The following TRAP1 variants were observed in gnomAD, a reference collection of about 807,000 sequenced individuals.
TRAP1 encodes TNF receptor associated protein 1, also known as heat shock protein 75 kDa, mitochondrial.
Under a neutral mutation model 89.1 loss-of-function variants are expected in TRAP1, and 102 were observed. The observed-to-expected ratio is 1.15, with a 90% CI of 0.98 to 1.35. The LOEUF (loss-of-function observed/expected upper bound fraction) is 1.35, where lower values mean the gene tolerates loss of function less well. TRAP1 is among the 40% of genes most tolerant of loss of function. The pLI is 0.00. For missense variants in TRAP1, 1,256 were observed against 945.3 expected, an observed-to-expected ratio of 1.33 and a Z score of -4.31; for synonymous variants, 508 against 388.0, an observed-to-expected ratio of 1.31 and a Z score of -3.64.
Position 3,662,003 on chromosome 16 carries a change from G to C in TRAP1, c.1924C>G (p.Leu642Val), listed in dbSNP as rs929207704. 6 of 1,609,132 alleles carry C rather than the reference G, an allele frequency of 3.7e-6. No homozygotes were observed. In the Admixed American group the frequency reaches 6.7e-5, roughly 18 times the overall value. ...EERAQLLQPTLEINPRHALIK... is the reference protein window; with the variant it reads ...EERAQLLQPTVEINPRHALIK... ...TGGCCTCACCTGGGGTTGATCTCCA[G>C]CGTGGGCTGCAGGAGCTGTGCGCGC... The change falls in exon 16 of 18, where the codon CTG becomes GTG. Residue 642 changes from leucine (L) to valine (V), a missense_variant. Coordinates refer to ENST00000246957, the MANE Select transcript of TRAP1 (RefSeq NM_016292.3).
rs1013142388 is a variant in TRAP1, at chr16:3,689,229, T to C, written c.248-92A>G. The C allele has an allele frequency of 1.9e-5, 22 of 1,149,690 alleles. No homozygotes were observed. The African/African-American group carries it at 3.3e-4, about 17-fold the overall frequency. 71.2% of individuals were successfully genotyped at this position (1,149,690 alleles called of 1,614,324 possible). A position where few individuals can be genotyped will look rare whatever the true frequency, so the allele number is the denominator to read the frequency against. On this transcript the variant is annotated intron_variant, in intron 2 of 17. Coordinates refer to ENST00000246957, the MANE Select transcript of TRAP1 (RefSeq NM_016292.3). ...TCACATTCCAAAGAAAGCTTAAGTT[T>C]ATGAGTTTTAAACTTTTTTTTTTTT... is the stretch of plus-strand genomic sequence containing the variant.
chr16:3,693,916 C>A (rs111812785), intron 1 of TRAP1, among the ~76,000 whole-genome samples: 1 of 151,634 alleles, frequency 6.6e-6, no homozygotes, highest in African/African-American at 2.4e-5. Flanking sequence ...TCACTTGAGC[C>A]CAGGATGTTG....
Position 3,677,567 on chromosome 16 carries a change from G to C in TRAP1, c.635C>G (p.Ala212Gly), listed in dbSNP as rs1341211150. 6.2e-7 allele frequency: 1 copy of C among 1,614,062 alleles called. No homozygotes were observed. Among genetic ancestry groups the C allele is most frequent in the Non-Finnish European group, 8.5e-7 (1 of 1,180,040 alleles). The change falls in exon 6 of 18, where the codon GCT (alanine) becomes GGT (glycine). Residue 212 changes from alanine to glycine, a missense_variant. Ala to Gly is a moderately conservative substitution (Grantham distance 60). Coordinates refer to ENST00000246957, the MANE Select transcript of TRAP1 (RefSeq NM_016292.3). ...GCGGGAATAGACCTCCACTCTGTCA[G>C]CCACCATGAAAGCTGAGTAGAAACC... ...GVGFYSAFMV[A>G]DRVEVYSRSA...
intron 2 of TRAP1, among the ~76,000 whole-genome samples, chr16:3,690,613 G>A (rs2051200649): frequency 6.6e-6 from 1 of 152,176 alleles, no homozygotes; most frequent in Non-Finnish European, 1.5e-5. Flanking sequence ...AAACTCACGG[G>A]TGGCCACCAG....
intron 1 of TRAP1, among the ~76,000 whole-genome samples, chr16:3,694,632 C>T (rs2051262382): frequency 6.6e-6 from 1 of 152,200 alleles, no homozygotes; most frequent in Non-Finnish European, 1.5e-5. Context: ...GCCACCATAC[C>T]TGGCCTCTTT....
At chr16:3,703,942 G>C (rs1386759856) in intron 1 of TRAP1, among the ~76,000 whole-genome samples, 1 of 149,536 alleles carries the variant, frequency 6.7e-6, no homozygotes, top group Admixed American at 6.6e-5. Context: ...GTGAACGCGG[G>C]AGGCGGAGCG....
chr16:3,664,077 C>CAAA, intron 13 of TRAP1, 197 bp downstream of exon 13: 3 of 586,046 alleles, frequency 5.1e-6, no homozygotes, highest in Non-Finnish European at 5.6e-6. Context: ...AAACAAAAAA[C>CAAA]AAACAAAAAA....
chr16:3,694,141 A>G (rs1443454148), intron 1 of TRAP1, among the ~76,000 whole-genome samples: 1 of 151,924 alleles, frequency 6.6e-6, no homozygotes, highest in Non-Finnish European at 1.5e-5. Flanking sequence ...CAGACCCTCC[A>G]GGCTCTGTCT....
At chr16:3,663,263 C>G in intron 14 of TRAP1, 161 bp downstream of exon 14, 1 of 914,424 alleles carries the variant, frequency 1.1e-6, no homozygotes, top group Non-Finnish European at 1.6e-6. Flanking sequence ...AACCAGGAGG[C>G]ACCTTCCTCC....
chr16:3,673,102 A>G (rs2050937959), intron 9 of TRAP1, among the ~76,000 whole-genome samples: 1 of 152,092 alleles, frequency 6.6e-6, no homozygotes, highest in East Asian at 1.9e-4. Context: ...CACACTGAAC[A>G]CAGCCAAACC....
intron 9 of TRAP1, among the ~76,000 whole-genome samples, chr16:3,673,607 C>T (rs1362008818): frequency 2.0e-5 from 3 of 152,134 alleles, no homozygotes; most frequent in Admixed American, 6.6e-5. Context: ...TGGGCTCCCA[C>T]GCAGGAGCCC....
intron 16 of TRAP1, chr16:3,660,459 C>G (rs1037688336): frequency 6.6e-6 from 1 of 152,128 alleles, no homozygotes; most frequent in African/African-American, 2.4e-5. Context: ...GGTGACAGAG[C>G]AAGACCCTGT....
intron 14 of TRAP1, 197 bp from the exon 15 acceptor site, chr16:3,663,164 G>A (rs2043178796): frequency 3.0e-6 from 2 of 659,658 alleles, no homozygotes; most frequent in Non-Finnish European, 2.5e-6. Context: ...ACTTGGTTAG[G>A]GCTTTAAAAA....
chr16:3,671,660 G>T (rs572027269), intron 11 of TRAP1, 62 bp downstream of exon 11: 43 of 1,563,830 alleles, frequency 2.7e-5, no homozygotes, highest in Admixed American at 8.7e-5. Context: ...CCCTCTGGGG[G>T]CAAAGGAGCA....
At chr16:3,672,899 CGAT>C in intron 9 of TRAP1, 79 bp from the exon 10 acceptor site, 1 of 1,520,338 alleles carries the variant, frequency 6.6e-7, no homozygotes, top group Non-Finnish European at 8.8e-7. Flanking sequence ...GGGGCGGACA[CGAT>C]GAATCCAGAG....
chr16:3,707,242 G>C (rs1244076906), intron 1 of TRAP1, among the ~76,000 whole-genome samples: 4 of 146,074 alleles, frequency 2.7e-5, no homozygotes, highest in Non-Finnish European at 6.0e-5. Context: ...CTGGAGTGCA[G>C]TGGCGGGATC....
rs755119711 is a variant in TRAP1, at chr16:3,662,117, C to G, written c.1810G>C (p.Asp604His). ...ACGGTGACCATGGCAGGGTGGGTGTCCAGTCGGAGGGTCACCTGTGAGCAA... is the reference window on the plus strand; with the variant it reads ...ACGGTGACCATGGCAGGGTGGGTGTGCAGTCGGAGGGTCACCTGTGAGCAA... The part of the protein sequence containing the change: ...VTNVKVTLRL[D>H]THPAMVTVLE... Residue 604 changes from aspartate to histidine, a missense_variant, in exon 16 of 18, where the codon GAC becomes CAC. Coordinates refer to ENST00000246957, the MANE Select transcript of TRAP1 (RefSeq NM_016292.3). 23 of 1,612,488 alleles carry G rather than the reference C, an allele frequency of 1.4e-5. No homozygotes were observed. The highest frequency in any genetic ancestry group is 1.9e-5 in the Non-Finnish European group (22 of 1,179,506).
chr16:3,667,925 A>ATT (rs58782531), intron 11 of TRAP1, among the ~76,000 whole-genome samples: 4 of 65,536 alleles, frequency 6.1e-5, no homozygotes, highest in South Asian at 7.2e-4. Flanking sequence ...TACCCGGCTG[A>ATT]TTTTTTTTTT....
intron 1 of TRAP1, among the ~76,000 whole-genome samples, chr16:3,714,816 A>G (rs368309450): frequency 1.9e-4 from 29 of 152,192 alleles, no homozygotes; most frequent in Non-Finnish European, 3.4e-4. Context: ...GCACACCTGA[A>G]GCCAGGCACA....
Sources: gnomAD v4.1 joint callset for allele counts (sites outside exome capture counted in the v4.1 genomes callset) on GRCh38, gnomAD v4.1.1 for gene constraint, MANE v1.5 for transcripts, NCBI Gene and HGNC (gene_info 2026-07-23, HGNC 2026-07-21) for gene names.